The following ABCA10 variants were observed in gnomAD, a reference collection of about 807,000 sequenced individuals.
The protein encoded by ABCA10 is ATP-binding cassette sub-family A member 10.
ABCA10 carries 169 observed loss-of-function variants against 187.5 expected under a neutral mutation model. The ratio of observed to expected loss-of-function variants is 0.90; its 90% CI spans 0.80 to 1.02. ABCA10 has a LOEUF of 1.02. Among genes scored for constraint, ABCA10 ranks in the 50% least tolerant of loss-of-function variants. The pLI, the probability that ABCA10 is intolerant of heterozygous loss-of-function variation, is 0.00. For synonymous variants in ABCA10, 574 were observed against 601.8 expected, an observed-to-expected ratio of 0.95 and a Z score of 0.68; for missense variants, 1,727 against 1,812.4, an observed-to-expected ratio of 0.95 and a Z score of 0.86.
chr17:69,176,138 T>C (rs560049524), intron 22 of ABCA10, among the ~76,000 whole-genome samples: 31 of 152,250 alleles, frequency 2.0e-4, no homozygotes, highest in African/African-American at 7.2e-4. Flanking sequence ...ATCTGATATT[T>C]TAGGGAGCTA....
intron 22 of ABCA10, among the ~76,000 whole-genome samples, chr17:69,179,913 T>C (rs2074366127): frequency 6.6e-6 from 1 of 152,204 alleles, no homozygotes; most frequent in South Asian, 2.1e-4. Context: ...AAACCCAGCA[T>C]ACATTCAATT....
chr17:69,173,929 G>C (rs997324010), intron 25 of ABCA10, among the ~76,000 whole-genome samples: 1 of 152,154 alleles, frequency 6.6e-6, no homozygotes, highest in East Asian at 1.9e-4. Context: ...TGAGAGGCCT[G>C]CGTTTAAGTC....
At chr17:69,219,523 G>A in intron 6 of ABCA10, 22 bp downstream of exon 6, 1 of 1,489,830 alleles carries the variant, frequency 6.7e-7, no homozygotes, top group Middle Eastern at 1.9e-4. Flanking sequence ...ATGATATACA[G>A]TAAAGTAGCA....
chr17:69,181,097 T>C (rs188596335), intron 22 of ABCA10, among the ~76,000 whole-genome samples: 15 of 152,238 alleles, frequency 9.9e-5, no homozygotes, highest in Non-Finnish European at 1.6e-4. Context: ...AATTGGACCA[T>C]ATTTTATCAT....
chr17:69,168,338 T>A (rs370621920), intron 25 of ABCA10, among the ~76,000 whole-genome samples: 1 of 152,128 alleles, frequency 6.6e-6, no homozygotes, highest in African/African-American at 2.4e-5. Context: ...ATATTTTGAT[T>A]TGAACAGGAA....
rs187859983 is a variant in ABCA10 at position 69,152,623 on chromosome 17, A to G, written c.4137-142T>C. On this transcript the variant is annotated intron_variant, in intron 34 of 38. Transcript: ENST00000690296. Reference sequence around the variant, plus strand: ...CAACATGGTGAAACCCCATCTCCACAAAAAAATTTAAAAATTAGCCAGGCA... The same window carrying G: ...CAACATGGTGAAACCCCATCTCCACGAAAAAATTTAAAAATTAGCCAGGCA... 233 of 1,199,002 alleles carry G rather than the reference A, an allele frequency of 1.9e-4. 1 individual carries two copies. In the East Asian group the frequency reaches 6.4e-3, roughly 33 times the overall value. 74.3% of individuals were successfully genotyped at this position (1,199,002 alleles called of 1,614,324 possible).
chr17:69,192,228 G>A (rs1043453656), intron 16 of ABCA10, among the ~76,000 whole-genome samples: 3 of 152,160 alleles, frequency 2.0e-5, no homozygotes, highest in Admixed American at 6.5e-5. Flanking sequence ...GGAGGCTGAG[G>A]CAGGAGAATC....
At chr17:69,210,351 G>A (rs1157068390) in intron 9 of ABCA10, among the ~76,000 whole-genome samples, 1 of 149,068 alleles carries the variant, frequency 6.7e-6, no homozygotes, top group Non-Finnish European at 1.5e-5. Flanking sequence ...CACCGCGCCC[G>A]GCTAATTTTT....
At chr17:69,218,401 A>G (rs1483526451) in intron 6 of ABCA10, among the ~76,000 whole-genome samples, 1 of 151,972 alleles carries the variant, frequency 6.6e-6, no homozygotes. Context: ...AAAAATCTTA[A>G]CTTTTCTCTG....
At chr17:69,238,367 T>C (rs141514299) in intron 1 of ABCA10, among the ~76,000 whole-genome samples, 93 of 152,212 alleles carry the variant, frequency 6.1e-4, no homozygotes, top group African/African-American at 2.2e-3. Context: ...AGAAAACTAG[T>C]ATACACACTA....
rs576940910 is a variant in ABCA10 at position 69,185,287 on chromosome 17, A to G, written c.2497+190T>C. Among the ~76,000 whole-genome samples, 3 of 152,292 alleles carry G rather than the reference A, an allele frequency of 2.0e-5. No individual in the cohort carries two copies. The South Asian group carries it at 6.2e-4, about 32-fold the overall frequency. On this transcript the variant is annotated intron_variant, in intron 20 of 38. Transcript: ENST00000690296. ...AACCAAACACCACCTGTTTTCCACA[A>G]ACCTATTGAAATAAAGATAATACAA...
intron 27 of ABCA10, among the ~76,000 whole-genome samples, chr17:69,161,743 A>G (rs1353581442): frequency 6.6e-6 from 1 of 152,232 alleles, no homozygotes; most frequent in African/African-American, 2.4e-5. Context: ...TTCATTTGAA[A>G]AGAGCCCCTA....
At chr17:69,159,095 G>A (rs575299936) in intron 27 of ABCA10, among the ~76,000 whole-genome samples, 73 of 151,948 alleles carry the variant, frequency 4.8e-4, no homozygotes, top group African/African-American at 1.7e-3. Context: ...ACAGGAAAGG[G>A]TGACCCACAT....
intron 10 of ABCA10, among the ~76,000 whole-genome samples, chr17:69,200,213 G>A (rs1272992995): frequency 1.3e-5 from 2 of 152,118 alleles, no homozygotes; most frequent in Non-Finnish European, 2.9e-5. Flanking sequence ...CTAGCAATAG[G>A]CCATGTAAAA....
intron 10 of ABCA10, among the ~76,000 whole-genome samples, chr17:69,201,071 A>G (rs2074540125): frequency 6.6e-6 from 1 of 152,232 alleles, no homozygotes; most frequent in South Asian, 2.1e-4. Flanking sequence ...TTTAACTGAA[A>G]GTCACAAAGC....
chr17:69,153,238 A>G, intron 34 of ABCA10, 67 bp downstream of exon 34: 1 of 1,519,912 alleles, frequency 6.6e-7, no homozygotes, highest in Non-Finnish European at 8.8e-7. Context: ...GAAACAAAAC[A>G]AAAACAAAAA....
chr17:69,154,567 T>C (rs536712648), intron 30 of ABCA10, among the ~76,000 whole-genome samples: 2 of 151,960 alleles, frequency 1.3e-5, no homozygotes, highest in Admixed American at 1.3e-4. Flanking sequence ...CAGAACTACA[T>C]GCATGCACCA....
intron 9 of ABCA10, among the ~76,000 whole-genome samples, chr17:69,213,785 C>T (rs1371319664): frequency 6.6e-6 from 1 of 152,182 alleles, no homozygotes; most frequent in South Asian, 2.1e-4. Context: ...CTGGCCCCTT[C>T]CGATTCTGCT....
At chr17:69,167,690 G>GA (rs1318476208) in intron 25 of ABCA10, among the ~76,000 whole-genome samples, 1 of 152,002 alleles carries the variant, frequency 6.6e-6, no homozygotes, top group Non-Finnish European at 1.5e-5. Flanking sequence ...AGCAGTGCCA[G>GA]AAAAAGAATT....
Sources: allele counts gnomAD v4.1 joint callset (sites outside exome capture counted in the v4.1 genomes callset), GRCh38; gene constraint gnomAD v4.1.1; transcripts MANE v1.5; gene names NCBI Gene and HGNC (gene_info 2026-07-23, HGNC 2026-07-21).